DGKB: variants seen among roughly 807,000 people sequenced by gnomAD.
DGKB encodes 90 kDa diacylglycerol kinase.
Under a neutral mutation model 114.3 loss-of-function variants are expected in DGKB, and 67 were observed. That is an observed-to-expected ratio of 0.59 (90% CI 0.48 to 0.72). The LOEUF (loss-of-function observed/expected upper bound fraction) is 0.72, where lower values mean the gene tolerates loss of function less well. Ranked by LOEUF, DGKB falls within the 30% of genes least tolerant of loss-of-function variation. The pLI is 0.00. For missense variants in DGKB, 907 were observed against 975.2 expected (o/e 0.93, Z 0.93); for synonymous variants, 398 against 323.1 (o/e 1.23, Z -2.49).
intron 13 of DGKB, among the ~76,000 whole-genome samples, chr7:14,634,462 C>T (rs1323427176): frequency 7.0e-6 from 1 of 142,898 alleles, no homozygotes; most frequent in Non-Finnish European, 1.5e-5. Flanking sequence ...ATTTAGAAAT[C>T]ACTATATCTA....
At chr7:14,280,749 C>G (rs548617231) in intron 23 of DGKB, among the ~76,000 whole-genome samples, 1,755 of 148,712 alleles carry the variant, frequency 0.012, 34 homozygotes, top group African/African-American at 0.041. Context: ...AATTTCATAT[C>G]CAGCCAAACT....
intron 5 of DGKB, among the ~76,000 whole-genome samples, chr7:14,734,589 G>A (rs941220770): frequency 7.2e-5 from 11 of 152,304 alleles, no homozygotes; most frequent in Non-Finnish European, 1.0e-4. Flanking sequence ...TTACCCAGCT[G>A]TCTTCCATGA....
intron 20 of DGKB, among the ~76,000 whole-genome samples, chr7:14,559,050 G>T (rs78527562): frequency 6.6e-6 from 1 of 152,262 alleles, no homozygotes; most frequent in Non-Finnish European, 1.5e-5. Flanking sequence ...AAAGCCCACA[G>T]GTGTGTGTGA....
chr7:14,209,188 C>CCAAA (rs10645615), intron 23 of DGKB: 109,674 of 272,008 alleles, frequency 0.4, 26,416 homozygotes, highest in African/African-American at 0.77. Flanking sequence ...AAAAAAAACG[C>CCAAA]CAAATTTAAA....
intron 23 of DGKB, among the ~76,000 whole-genome samples, chr7:14,258,756 T>G (rs916171204): frequency 6.6e-6 from 1 of 152,134 alleles, no homozygotes; most frequent in Non-Finnish European, 1.5e-5. Context: ...CACAGTTGAT[T>G]TAATTTGTCT....
intron 23 of DGKB, among the ~76,000 whole-genome samples, chr7:14,198,227 T>C (rs1003212120): frequency 2.0e-5 from 3 of 152,018 alleles, no homozygotes; most frequent in Admixed American, 2.0e-4. Flanking sequence ...AAGAAAAAAT[T>C]AGAAAGCAGA....
At chr7:14,667,222 A>T (rs904137740) in intron 13 of DGKB, among the ~76,000 whole-genome samples, 8 of 151,798 alleles carry the variant, frequency 5.3e-5, no homozygotes, top group Non-Finnish European at 1.0e-4. Context: ...GGTGGTACAA[A>T]TTTTTTTTAA....
intron 20 of DGKB, among the ~76,000 whole-genome samples, chr7:14,484,510 C>T (rs549260705): frequency 7.2e-5 from 11 of 152,296 alleles, no homozygotes; most frequent in Admixed American, 3.9e-4. Context: ...TCTCCCCCCA[C>T]CTCTTGCTCC....
chr7:14,343,906 T>C lies in DGKB; in HGVS notation c.1926+1395A>G, dbSNP rs531268507. On this transcript the variant is annotated intron_variant, in intron 22 of 25. Transcript: ENST00000402815. ...TATATACTATATATTTAACTATATA[T>C]GTAGTTATATATGTCATATATTATT... 2.2e-4 allele frequency among the ~76,000 whole-genome samples: 33 copies of C among 147,850 alleles called. 1 individual carries two copies. The South Asian group carries it at 6.7e-3, about 30-fold the overall frequency.
At chr7:14,556,818 GA>G (rs1162476752) in intron 20 of DGKB, among the ~76,000 whole-genome samples, 1 of 152,138 alleles carries the variant, frequency 6.6e-6, no homozygotes, top group Non-Finnish European at 1.5e-5. Flanking sequence ...ATGAGGTATT[GA>G]TATTGAGGTT....
chr7:14,505,569 A>G (rs941072807), intron 20 of DGKB, among the ~76,000 whole-genome samples: 15 of 152,320 alleles, frequency 9.8e-5, no homozygotes, highest in African/African-American at 3.6e-4. Context: ...TTTTGAAAAC[A>G]CTGGATCCAT....
At chr7:14,364,472 C>G (rs1180937890) in intron 21 of DGKB, among the ~76,000 whole-genome samples, 1 of 151,890 alleles carries the variant, frequency 6.6e-6, no homozygotes, top group East Asian at 1.9e-4. Flanking sequence ...AAGAGAAAAT[C>G]TGTATTCTTT....
At chr7:14,600,133 G>A (rs1033973913) in intron 17 of DGKB, among the ~76,000 whole-genome samples, 2 of 152,112 alleles carry the variant, frequency 1.3e-5, no homozygotes, top group African/African-American at 2.4e-5. Flanking sequence ...AGGATGGCAC[G>A]TTCTTGATGC....
chr7:14,182,176 C>G (rs1782726032), intron 23 of DGKB, among the ~76,000 whole-genome samples: 1 of 151,910 alleles, frequency 6.6e-6, no homozygotes, highest in Admixed American at 6.6e-5. Flanking sequence ...TCCACAATAC[C>G]AAAATATCTA....
chr7:14,313,324 C>G (rs1420674055), intron 23 of DGKB, among the ~76,000 whole-genome samples: 2 of 152,110 alleles, frequency 1.3e-5, no homozygotes, highest in African/African-American at 4.8e-5. Flanking sequence ...CTGAGCGACG[C>G]AGAAGACGGG....
intron 20 of DGKB, among the ~76,000 whole-genome samples, chr7:14,490,941 A>G (rs987652953): frequency 1.3e-5 from 2 of 151,568 alleles, no homozygotes; most frequent in Admixed American, 1.3e-4. Context: ...GACCTGATTA[A>G]TTGTGGTAAT....
chr7:14,906,991 C>T (rs566029472), upstream of DGKB, among the ~76,000 whole-genome samples: 64 of 152,186 alleles, frequency 4.2e-4, no homozygotes, highest in African/African-American at 1.5e-3. Context: ...AAATAAATTG[C>T]TCAATAATTT....
chr7:14,653,421 C>T lies in DGKB; in HGVS notation c.1134+19508G>A, dbSNP rs867754887. On this transcript the variant is annotated intron_variant, in intron 13 of 25. Transcript: ENST00000402815. ...ACTGCAAGAACAAAAAACCAAACAC[C>T]GCATATTCTCACTCATAGGTGGGAA... Among the ~76,000 whole-genome samples, 22 of 151,968 alleles carry T rather than the reference C, an allele frequency of 1.4e-4. No homozygotes were observed. The South Asian group carries it at 1.7e-3, about 11-fold the overall frequency.
chr7:14,557,522 T>C (rs988667466), intron 20 of DGKB, among the ~76,000 whole-genome samples: 2 of 152,124 alleles, frequency 1.3e-5, no homozygotes, highest in Non-Finnish European at 2.9e-5. Context: ...TAACTTTCTA[T>C]TTGTCTTGTA....
Sources: allele counts gnomAD v4.1 joint callset (sites outside exome capture counted in the v4.1 genomes callset), GRCh38; gene constraint gnomAD v4.1.1; transcripts MANE v1.5; gene names NCBI Gene and HGNC (gene_info 2026-07-23, HGNC 2026-07-21).